Variants in CHD6 observed in about 807,000 individuals in gnomAD.
The protein encoded by CHD6 is chromodomain helicase DNA binding protein 6.
Under a neutral mutation model 276.9 loss-of-function variants are expected in CHD6, and 50 were observed. That is an observed-to-expected ratio of 0.18 (90% confidence interval 0.14 to 0.23). The LOEUF is 0.23. Among genes scored for constraint, CHD6 ranks in the 10% least tolerant of loss-of-function variants. The pLI is 1.00. For missense variants in CHD6, 2,564 were observed against 3,365.8 expected, an observed-to-expected ratio of 0.76 and a Z score of 5.89; for synonymous variants, 1,173 against 1,229.3, an observed-to-expected ratio of 0.95 and a Z score of 0.96.
intron 17 of CHD6, among the ~76,000 whole-genome samples, chr20:41,468,912 G>A (rs2042990431): frequency 6.6e-6 from 1 of 152,116 alleles, no homozygotes; most frequent in South Asian, 2.1e-4. Context: ...TATTCAGGAG[G>A]CTGAGGTGGG....
At chr20:41,600,173 A>C (rs2045759520) in intron 1 of CHD6, among the ~76,000 whole-genome samples, 1 of 152,192 alleles carries the variant, frequency 6.6e-6, no homozygotes, top group South Asian at 2.1e-4. Flanking sequence ...TTTATCTTTT[A>C]TCTGTAAACC....
intron 3 of CHD6, among the ~76,000 whole-genome samples, chr20:41,522,924 C>G (rs1032677710): frequency 6.6e-5 from 10 of 152,062 alleles, no homozygotes; most frequent in Non-Finnish European, 1.3e-4. Context: ...CCCAGCCAGA[C>G]TAATCTGGGA....
chr20:41,601,135 C>G (rs1327268559), intron 1 of CHD6, among the ~76,000 whole-genome samples: 1 of 152,208 alleles, frequency 6.6e-6, no homozygotes, highest in Admixed American at 6.5e-5. Flanking sequence ...CAGATGTTAA[C>G]TCTTCTGGGA....
chr20:41,502,824 A>C (rs887559438), intron 5 of CHD6, among the ~76,000 whole-genome samples: 4 of 152,152 alleles, frequency 2.6e-5, no homozygotes, highest in African/African-American at 9.7e-5. Flanking sequence ...TGGCCAATAC[A>C]GCGAAACCCT....
At chr20:41,471,469 A>T (rs4812514) in intron 17 of CHD6, among the ~76,000 whole-genome samples, 67,250 of 151,928 alleles carry the variant, frequency 0.44, 17,579 homozygotes, top group African/African-American at 0.72. Flanking sequence ...TTTCTTTGAG[A>T]TCACTGGTTT....
intron 5 of CHD6, among the ~76,000 whole-genome samples, chr20:41,512,098 G>T (rs2044132429): frequency 6.6e-6 from 1 of 151,774 alleles, no homozygotes; most frequent in South Asian, 2.1e-4. Flanking sequence ...CTCCCAAGTA[G>T]CTGGGATTAC....
intron 36 of CHD6, among the ~76,000 whole-genome samples, chr20:41,407,987 A>G (rs896000442): frequency 2.0e-5 from 3 of 152,120 alleles, no homozygotes; most frequent in African/African-American, 7.2e-5. Context: ...GAAAACGTGC[A>G]TATCTGAATG....
intron 1 of CHD6, among the ~76,000 whole-genome samples, chr20:41,580,230 C>G (rs1486500743): frequency 6.6e-6 from 1 of 152,150 alleles, no homozygotes; most frequent in Non-Finnish European, 1.5e-5. Flanking sequence ...ATGTTTTGCT[C>G]TGTAACTGTC....
rs142105431 is a variant in CHD6 at position 41,539,318 on chromosome 20, C to A, written c.34-5748G>T. 9.2e-5 allele frequency among the ~76,000 whole-genome samples: 14 copies of A among 152,314 alleles called. No individual in the cohort carries two copies. In the East Asian group the frequency reaches 2.5e-3, roughly 27 times the overall value. ...GTTATGCTGTCTTCTCTGTATCTCA[C>A]CTGACTGACACACATTAACCTAACT... On this transcript the variant is annotated intron_variant, in intron 2 of 36. Coordinates refer to ENST00000373233, the MANE Select transcript of CHD6 (RefSeq NM_032221.5).
At chr20:41,542,148 A>G (rs981822185) in intron 2 of CHD6, among the ~76,000 whole-genome samples, 2 of 152,236 alleles carry the variant, frequency 1.3e-5, no homozygotes, top group Non-Finnish European at 2.9e-5. Flanking sequence ...CCTAAGTGGA[A>G]TGATGTTTGC....
chr20:41,568,097 G>C lies in CHD6; in HGVS notation c.-23-16737C>G, dbSNP rs374508216. Among the ~76,000 whole-genome samples, 341 of 152,338 alleles carry C rather than the reference G, an allele frequency of 2.2e-3. 1 individual carries two copies. The highest frequency in any genetic ancestry group is 7.6e-3 in the African/African-American group (318 of 41,582). ...AAGTACACAGAAAGCAATTAAAATA[G>C]CTTGATAAAACTATCATTTAAAAGG... On this transcript the variant is annotated intron_variant, in intron 1 of 36. Coordinates refer to ENST00000373233, the MANE Select transcript of CHD6 (RefSeq NM_032221.5).
chr20:41,542,721 C>A (rs181784304), intron 2 of CHD6, among the ~76,000 whole-genome samples: 3 of 151,566 alleles, frequency 2.0e-5, no homozygotes, highest in African/African-American at 4.8e-5. Context: ...AGACTGTATT[C>A]ATGGATAAGG....
intron 29 of CHD6, 103 bp downstream of exon 29, chr20:41,425,075 C>A: frequency 1.2e-6 from 1 of 861,036 alleles, no homozygotes; most frequent in Admixed American, 2.1e-5. Context: ...CCTAACTTCA[C>A]ATGAGAACAG....
intron 3 of CHD6, among the ~76,000 whole-genome samples, chr20:41,516,587 G>A (rs188891309): frequency 1.2e-4 from 18 of 152,282 alleles, no homozygotes; most frequent in South Asian, 6.2e-4. Context: ...ATGTGAACCC[G>A]AGTGGAGTCT....
In CHD6 at chr20:41,413,456, C is replaced by G; in HGVS notation, c.6999G>C (p.Gly2333=). The change falls in exon 35 of 37, where the codon GGG becomes GGC. Residue 2333 remains glycine, a synonymous_variant. Coordinates refer to ENST00000373233, the MANE Select transcript of CHD6 (RefSeq NM_032221.5). ...TLSTTHPEGP[G]PATSAPEPAT... ...CTGGCTCAGGAGCCGAGGTGGCAGGCCCTGGCCCCTCAGGGTGTGTGGTGC... is the reference window on the plus strand; with the variant it reads ...CTGGCTCAGGAGCCGAGGTGGCAGGGCCTGGCCCCTCAGGGTGTGTGGTGC... 1 of 1,610,070 alleles carries G rather than the reference C, an allele frequency of 6.2e-7. No individual in the cohort carries two copies. Among genetic ancestry groups the G allele is most frequent in the Non-Finnish European group, 8.5e-7 (1 of 1,178,894 alleles).
rs1383129543 is a variant in CHD6, at chr20:41,420,406, CAGA to C, written c.6127+99_6127+101del. 1.4e-5 allele frequency: 19 copies of C among 1,326,460 alleles called. No homozygotes were observed. In the East Asian group the frequency reaches 3.5e-4, roughly 24 times the overall value. 82.2% of individuals were successfully genotyped at this position (1,326,460 alleles called of 1,614,324 possible). ...TTGGTGAGGGTAGGCAGGTCTGTTT[CAGA>C]AGCTGTAAAAATATGAAGCACTCTC... On this transcript the variant is annotated intron_variant, in intron 31 of 36. Coordinates refer to ENST00000373233, the MANE Select transcript of CHD6 (RefSeq NM_032221.5).
intron 24 of CHD6, among the ~76,000 whole-genome samples, chr20:41,446,804 G>A (rs1361890906): frequency 1.3e-5 from 2 of 152,206 alleles, no homozygotes; most frequent in Admixed American, 6.5e-5. Flanking sequence ...AAGAGCAGCA[G>A]TAAGAGACAG....
At chr20:41,600,117 C>G (rs1434068174) in intron 1 of CHD6, among the ~76,000 whole-genome samples, 1 of 152,172 alleles carries the variant, frequency 6.6e-6, no homozygotes, top group Non-Finnish European at 1.5e-5. Context: ...ATTTGTGTGT[C>G]TGTCTCCTTC....
rs79746204 is a variant in CHD6, at chr20:41,580,620, T to C, written c.-23-29260A>G. ...AGTTGCAATGAGACGTGATTATGCC[T>C]GGGTGACACAGTGAAACCCAGTCTC... On this transcript the variant is annotated intron_variant, in intron 1 of 36. Transcript: ENST00000373233. Among the ~76,000 whole-genome samples, 47 of 123,786 alleles carry C rather than the reference T, an allele frequency of 3.8e-4. No individual in the cohort carries two copies. In the East Asian group the frequency reaches 0.011, roughly 30 times the overall value. The allele number at this position is 123,786 out of a possible 152,430, so 81.2% of individuals were successfully genotyped here. A position where few individuals can be genotyped will look rare whatever the true frequency, so the allele number is the denominator to read the frequency against.
Sources: allele counts gnomAD v4.1 joint callset (sites outside exome capture counted in the v4.1 genomes callset), GRCh38; gene constraint gnomAD v4.1.1; transcripts MANE v1.5; gene names NCBI Gene and HGNC (gene_info 2026-07-23, HGNC 2026-07-21).